AOPEP: variants seen among roughly 807,000 people sequenced by gnomAD.
AOPEP encodes aminopeptidase O.
In AOPEP, 77 loss-of-function variants were observed where a neutral mutation model predicts 98.1. The observed-to-expected ratio is 0.78, with a 90% CI of 0.65 to 0.95. The LOEUF (loss-of-function observed/expected upper bound fraction) is 0.95. AOPEP is among the 40% of genes least tolerant of loss of function. The pLI, the probability that AOPEP is intolerant of heterozygous loss-of-function variation, is 0.00. For synonymous variants in AOPEP, 346 were observed against 365.3 expected (o/e 0.95, Z 0.60); for missense variants, 1,024 against 1,024.7 (o/e 1.00, Z 0.01).
chr9:94,777,625 C>CTTTTT (rs34067261), intron 3 of AOPEP, among the ~76,000 whole-genome samples: 11 of 94,182 alleles, frequency 1.2e-4, no homozygotes, highest in African/African-American at 3.2e-4. Context: ...ATTATATAAT[C>CTTTTT]TTTTTTTTTT....
chr9:94,958,073 C>T (rs2058588559), intron 9 of AOPEP, among the ~76,000 whole-genome samples: 2 of 152,198 alleles, frequency 1.3e-5, no homozygotes, highest in South Asian at 4.1e-4. Flanking sequence ...GCCCCAGCAA[C>T]CGCCATTCTA....
the AOPEP span, among the ~76,000 whole-genome samples, chr9:95,096,106 C>A: frequency 6.6e-6 from 1 of 152,172 alleles, no homozygotes; most frequent in Admixed American, 6.5e-5. Context: ...CCAGAACGAG[C>A]CATGCTCCAG....
intron 5 of AOPEP, among the ~76,000 whole-genome samples, chr9:94,890,776 A>G (rs1470199805): frequency 6.6e-6 from 1 of 151,994 alleles, no homozygotes; most frequent in African/African-American, 2.4e-5. Context: ...TTTTCTATTG[A>G]TTTCTTTCTA....
chr9:95,046,490 A>G (rs1414957731), intron 13 of AOPEP, among the ~76,000 whole-genome samples: 3 of 152,380 alleles, frequency 2.0e-5, no homozygotes, highest in South Asian at 2.1e-4. Context: ...TCAAACTGAC[A>G]TAATTTTTAA....
chr9:94,865,218 T>C (rs1047984730), intron 5 of AOPEP, among the ~76,000 whole-genome samples: 1 of 152,232 alleles, frequency 6.6e-6, no homozygotes, highest in African/African-American at 2.4e-5. Flanking sequence ...CAATAAACTC[T>C]GTGCTGACGA....
chr9:94,776,145 G>A (rs974638581), intron 3 of AOPEP, among the ~76,000 whole-genome samples: 1 of 151,990 alleles, frequency 6.6e-6, no homozygotes, highest in African/African-American at 2.4e-5. Context: ...GGCAACCAAG[G>A]TTACCAATTT....
At chr9:95,083,887 C>T (rs994521938) in intron 16 of AOPEP, among the ~76,000 whole-genome samples, 5 of 152,212 alleles carry the variant, frequency 3.3e-5, no homozygotes, top group African/African-American at 7.2e-5. Context: ...AAATCACTTC[C>T]TCTGTTAATT....
At chr9:94,831,597 A>T (rs954389414) in intron 5 of AOPEP, among the ~76,000 whole-genome samples, 4 of 152,072 alleles carry the variant, frequency 2.6e-5, no homozygotes, top group Admixed American at 6.6e-5. Flanking sequence ...GAAGAATGTC[A>T]GTGGTAGTTG....
chr9:94,790,633 C>T (rs1845499466), intron 3 of AOPEP, among the ~76,000 whole-genome samples: 1 of 152,080 alleles, frequency 6.6e-6, no homozygotes, highest in Non-Finnish European at 1.5e-5. Context: ...TCATGGCTTC[C>T]AGACTTGAAT....
intron 14 of AOPEP, among the ~76,000 whole-genome samples, chr9:95,061,613 A>G (rs2067324243): frequency 6.6e-6 from 1 of 152,256 alleles, no homozygotes. Flanking sequence ...GAAAGACAAA[A>G]TAACTTAATG....
At chr9:94,879,822 G>A (rs1437669833) in intron 5 of AOPEP, among the ~76,000 whole-genome samples, 1 of 152,150 alleles carries the variant, frequency 6.6e-6, no homozygotes, top group Non-Finnish European at 1.5e-5. Context: ...CATTTTAGCA[G>A]TTTTGGAACA....
chr9:94,916,118 G>A (rs2052756329), intron 5 of AOPEP, among the ~76,000 whole-genome samples: 1 of 152,082 alleles, frequency 6.6e-6, no homozygotes, highest in Non-Finnish European at 1.5e-5. Flanking sequence ...TTGCTGTTCT[G>A]GAAATGGAGC....
intron 7 of AOPEP, among the ~76,000 whole-genome samples, chr9:94,943,310 T>C (rs2057222018): frequency 6.6e-6 from 1 of 152,214 alleles, no homozygotes; most frequent in Non-Finnish European, 1.5e-5. Context: ...ATGGTCAGTC[T>C]GGACCGGGCA....
the AOPEP span, chr9:95,109,891 C>G: frequency 6.6e-6 from 1 of 152,232 alleles, no homozygotes; most frequent in Non-Finnish European, 1.5e-5. Flanking sequence ...GCTCACAAAA[C>G]CCAGGAAAAC....
chr9:94,762,624 A>G (rs1007053933), intron 2 of AOPEP, among the ~76,000 whole-genome samples: 1 of 152,182 alleles, frequency 6.6e-6, no homozygotes, highest in Non-Finnish European at 1.5e-5. Context: ...TATTAATGCC[A>G]TTTGTGCAGT....
intron 14 of AOPEP, among the ~76,000 whole-genome samples, chr9:95,077,667 G>C (rs977233062): frequency 6.6e-6 from 1 of 152,110 alleles, no homozygotes; most frequent in African/African-American, 2.4e-5. Context: ...TCTCAGCTGC[G>C]GAGGAACTTG....
At chr9:94,967,511 A>G (rs1477353891) in intron 9 of AOPEP, among the ~76,000 whole-genome samples, 1 of 152,228 alleles carries the variant, frequency 6.6e-6, no homozygotes, top group East Asian at 1.9e-4. Context: ...CTGTTGGATT[A>G]GGTCAGAATA....
intron 5 of AOPEP, among the ~76,000 whole-genome samples, chr9:94,836,585 G>C (rs1231628088): frequency 6.6e-6 from 1 of 152,100 alleles, no homozygotes; most frequent in Non-Finnish European, 1.5e-5. Context: ...GTTCCATTAT[G>C]TATTTTAGAT....
At chr9:94,925,667 G>A (rs1033941284) in intron 6 of AOPEP, among the ~76,000 whole-genome samples, 3 of 152,148 alleles carry the variant, frequency 2.0e-5, no homozygotes, top group African/African-American at 4.8e-5. Context: ...TACCCTGGCC[G>A]TGGACCCAGC....
Sources: gnomAD v4.1 joint callset for allele counts (sites outside exome capture counted in the v4.1 genomes callset) on GRCh38, gnomAD v4.1.1 for gene constraint, MANE v1.5 for transcripts, NCBI Gene and HGNC (gene_info 2026-07-23, HGNC 2026-07-21) for gene names.